The following ZNF880 variants were observed in gnomAD, a reference collection of about 807,000 sequenced individuals.
ZNF880 encodes zinc finger protein 880, also known as zinc finger protein LOC400713.
Under a neutral mutation model 11.8 loss-of-function variants are expected in ZNF880, and 12 were observed. That is an observed-to-expected ratio of 1.02 (90% CI 0.65 to 1.65). The LOEUF (loss-of-function observed/expected upper bound fraction) is 1.65. ZNF880 is among the 40% of genes most tolerant of loss of function. The pLI, the probability that ZNF880 is intolerant of heterozygous loss-of-function variation, is 0.00. For missense variants in ZNF880, 601 were observed against 673.9 expected (o/e 0.89, Z 1.20); for synonymous variants, 210 against 232.4 (o/e 0.90, Z 0.88).
intron 3 of ZNF880, among the ~76,000 whole-genome samples, chr19:52,377,975 G>A (rs1986602762): frequency 6.6e-6 from 1 of 152,054 alleles, no homozygotes; most frequent in South Asian, 2.1e-4. Flanking sequence ...GATTTTTTAT[G>A]GAGGCTTCAT....
the ZNF880 span, chr19:52,392,818 T>C: frequency 5.3e-6 from 1 of 186,974 alleles, no homozygotes; most frequent in South Asian, 1.4e-4. Context: ...GAGTGGAAGC[T>C]GTATATATAT....
chr19:52,373,954 C>T (rs762186122), intron 2 of ZNF880, among the ~76,000 whole-genome samples: 5 of 151,984 alleles, frequency 3.3e-5, no homozygotes, highest in Non-Finnish European at 7.4e-5. Flanking sequence ...TAGGCGTGAG[C>T]CACCGTGCCT....
rs146562283 is a variant in ZNF880, at chr19:52,373,527, G to A, written c.139+290G>A. On this transcript the variant is annotated intron_variant, in intron 2 of 3. Transcript: ENST00000422689. ...TAAGTATGCGTCAAACCTTATGACA[G>A]ACTTAAGATATACAGTTCTGTGTTA... Among the ~76,000 whole-genome samples the A allele has an allele frequency of 1.2e-3, 188 of 152,232 alleles. No individual in the cohort carries two copies. In the East Asian group the frequency reaches 0.014, roughly 11 times the overall value.
At chr19:52,378,368 G>A (rs1056738614) in intron 3 of ZNF880, among the ~76,000 whole-genome samples, 6 of 152,064 alleles carry the variant, frequency 3.9e-5, no homozygotes, top group African/African-American at 1.4e-4. Flanking sequence ...CCTTTAGGCC[G>A]GGGCGGTGTC....
upstream of ZNF880, among the ~76,000 whole-genome samples, chr19:52,369,235 G>A (rs1386675272): frequency 1.3e-5 from 2 of 150,686 alleles, no homozygotes; most frequent in East Asian, 2.0e-4. Context: ...GGTGGTGGGC[G>A]CCTGTAATCC....
chr19:52,382,319 AAG>A (rs1301153381), intron 3 of ZNF880, among the ~76,000 whole-genome samples: 1 of 151,902 alleles, frequency 6.6e-6, no homozygotes, highest in Non-Finnish European at 1.5e-5. Flanking sequence ...TACAAAAGAA[AAG>A]AGTAATAATA....
intron 3 of ZNF880, among the ~76,000 whole-genome samples, chr19:52,380,311 T>TA (rs949463908): frequency 6.6e-6 from 1 of 151,974 alleles, no homozygotes; most frequent in African/African-American, 2.4e-5. Context: ...GGTTTTTTTT[T>TA]TAACAATAAA....
the ZNF880 span, chr19:52,395,481 G>A: frequency 6.6e-6 from 1 of 152,344 alleles, no homozygotes; most frequent in Non-Finnish European, 1.5e-5. Context: ...ATCCTTGCTT[G>A]TGAAGCAGGT....
chr19:52,390,534 A>G (rs114675809), downstream of ZNF880: 1,308 of 193,750 alleles, frequency 6.8e-3, 22 homozygotes, highest in African/African-American at 0.029. Context: ...CCCACAGGAA[A>G]TGGGCTCTTG....
chr19:52,393,790 A>AGT, the ZNF880 span, among the ~76,000 whole-genome samples: 2 of 150,658 alleles, frequency 1.3e-5, no homozygotes, highest in Non-Finnish European at 2.9e-5. Context: ...GTAACATAAC[A>AGT]GTTCTATGAA....
chr19:52,395,220 T>G, the ZNF880 span, among the ~76,000 whole-genome samples: 1 of 152,172 alleles, frequency 6.6e-6, no homozygotes, highest in Non-Finnish European at 1.5e-5. Flanking sequence ...CCTGTCACTT[T>G]TATTTCTTTT....
the ZNF880 span, chr19:52,392,778 T>C: frequency 4.4e-6 from 1 of 224,840 alleles, no homozygotes; most frequent in Middle Eastern, 5.0e-4. Context: ...GGATCAAAGG[T>C]GTGAACACAG....
intron 3 of ZNF880, among the ~76,000 whole-genome samples, chr19:52,382,458 G>T (rs1004271662): frequency 1.3e-5 from 2 of 151,948 alleles, no homozygotes; most frequent in African/African-American, 2.4e-5. Flanking sequence ...TTCTTGTTGG[G>T]TAAGTCTAGA....
chr19:52,392,468 T>C, the ZNF880 span, among the ~76,000 whole-genome samples: 4 of 152,140 alleles, frequency 2.6e-5, no homozygotes, highest in East Asian at 7.7e-4. Flanking sequence ...ACCTGGCTAA[T>C]TTTTATATTT....
intron 3 of ZNF880, chr19:52,374,807 G>C: frequency 2.1e-6 from 1 of 468,076 alleles, no homozygotes; most frequent in Non-Finnish European, 3.9e-6. Context: ...TGTGATCGTA[G>C]CCCGTGTACC....
the ZNF880 span, among the ~76,000 whole-genome samples, chr19:52,393,067 G>GTTTTT: frequency 4.9e-5 from 7 of 141,744 alleles, no homozygotes; most frequent in Non-Finnish European, 3.1e-5. Context: ...AATCCTGTTA[G>GTTTTT]TTTTTTTTTT....
In ZNF880 at chr19:52,379,551, G is replaced by A. The variant is rs529962083; in HGVS notation, c.269-4298G>A. ...GCTAGGATTACAGGCGTGAGCCTCC[G>A]CGCCTGGCCTCATTTTTAATTTTTT... On this transcript the variant is annotated intron_variant, in intron 3 of 3. Coordinates refer to ENST00000422689, the MANE Select transcript of ZNF880 (RefSeq NM_001145434.2). 9.4e-5 allele frequency: 37 copies of A among 392,392 alleles called. No individual in the cohort carries two copies. The East Asian group carries it at 2.4e-3, about 25-fold the overall frequency. 24.3% of individuals were successfully genotyped at this position (392,392 alleles called of 1,614,324 possible). A position where few individuals can be genotyped will look rare whatever the true frequency, so the allele number is the denominator to read the frequency against.
In ZNF880 at chr19:52,373,697, C is replaced by G. The variant is rs548899913; in HGVS notation, c.139+460C>G. Among the ~76,000 whole-genome samples the G allele has an allele frequency of 3.6e-3, 367 of 103,154 alleles. 3 individuals carry two copies. Among genetic ancestry groups the G allele is most frequent in the Non-Finnish European group, 4.3e-3 (236 of 55,294 alleles). 67.7% of individuals were successfully genotyped at this position (103,154 alleles called of 152,430 possible). On this transcript the variant is annotated intron_variant, in intron 2 of 3. Coordinates refer to ENST00000422689, the MANE Select transcript of ZNF880 (RefSeq NM_001145434.2). The stretch of plus-strand genomic sequence containing the variant: ...TTTTTTTTTTTTTTTTTTTTTGAGA[C>G]AGAGTCTCCCTGTGTTGCCAGGCTG...
chr19:52,367,078 A>C (rs374915559), upstream of ZNF880: 2 of 324,704 alleles, frequency 6.2e-6, no homozygotes, highest in East Asian at 5.2e-5. Context: ...TTTAGAATGT[A>C]CATACTTCTC....
Sources: allele counts gnomAD v4.1 joint callset (sites outside exome capture counted in the v4.1 genomes callset), GRCh38; gene constraint gnomAD v4.1.1; transcripts MANE v1.5; gene names NCBI Gene and HGNC (gene_info 2026-07-23, HGNC 2026-07-21).